Variants in MTO1 observed in about 807,000 individuals in gnomAD.
The protein encoded by MTO1 is mitochondrial tRNA translation optimization 1.
Under a neutral mutation model 71.6 loss-of-function variants are expected in MTO1, and 46 were observed. The observed-to-expected ratio is 0.64, with a 90% confidence interval of 0.51 to 0.82. The LOEUF (loss-of-function observed/expected upper bound fraction) is 0.82, where lower values mean the gene tolerates loss of function less well. MTO1 is among the 40% of genes least tolerant of loss of function. The pLI, the probability that MTO1 is intolerant of heterozygous loss-of-function variation, is 0.00. For synonymous variants in MTO1, 297 were observed against 312.1 expected, an observed-to-expected ratio of 0.95 and a Z score of 0.51; for missense variants, 773 against 867.5, an observed-to-expected ratio of 0.89 and a Z score of 1.37.
Position 73,461,812 on chromosome 6 carries a change from T to C in MTO1, c.-43T>C. The C allele has an allele frequency of 6.3e-7, 1 of 1,588,784 alleles. No homozygotes were observed. Among genetic ancestry groups the C allele is most frequent in the Non-Finnish European group, 8.6e-7 (1 of 1,160,040 alleles). On this transcript the variant is annotated 5_prime_UTR_variant, in exon 1 of 12. Coordinates refer to ENST00000498286, the MANE Select transcript of MTO1 (RefSeq NM_012123.4). ...CTTGTTGCGTAAGTTTTTTTGACCG[T>C]CACTCGTGTCAGCTTCAAAGTCAGA...
At chr6:73,495,041 C>T (rs1339734536) in intron 10 of MTO1, among the ~76,000 whole-genome samples, 1 of 152,088 alleles carries the variant, frequency 6.6e-6, no homozygotes, top group African/African-American at 2.4e-5. Flanking sequence ...CTTCGGCCTC[C>T]CAAAGTTGTT....
intron 11 of MTO1, among the ~76,000 whole-genome samples, chr6:73,498,574 G>C (rs1338032413): frequency 6.6e-6 from 1 of 151,828 alleles, no homozygotes; most frequent in African/African-American, 2.4e-5. Flanking sequence ...AATTGTGAGA[G>C]GGTATATGCA....
chr6:73,481,908 C>A, intron 7 of MTO1, 132 bp from the exon 8 acceptor site: 1 of 847,274 alleles, frequency 1.2e-6, no homozygotes, highest in Non-Finnish European at 1.9e-6. Flanking sequence ...CATTTTCTAC[C>A]TCTATTATAT....
chr6:73,486,661 C>T (rs1282545641), intron 9 of MTO1: 7 of 415,078 alleles, frequency 1.7e-5, no homozygotes, highest in South Asian at 5.1e-5. Context: ...TCGTTTGAAC[C>T]TGGGAAGCGG....
intron 4 of MTO1, among the ~76,000 whole-genome samples, chr6:73,478,937 G>A (rs1407010875): frequency 4.2e-5 from 6 of 142,240 alleles, no homozygotes; most frequent in Non-Finnish European, 4.6e-5. Context: ...CATCCAGGCT[G>A]GAGTGCAATG....
chr6:73,462,333 T>A, intron 1 of MTO1: 1 of 507,902 alleles, frequency 2.0e-6, no homozygotes, highest in South Asian at 2.7e-5. Flanking sequence ...GTCAGTGCCT[T>A]GGGAAAGGGA....
At position 73,480,674 on chromosome 6, in the gene MTO1, G is replaced by C. The variant is rs1312689223; in HGVS notation, c.1130-1G>C. 1.2e-6 allele frequency: 2 copies of C among 1,613,874 alleles called. No homozygotes were observed. Among genetic ancestry groups the C allele is most frequent in the East Asian group, 4.5e-5 (2 of 44,872 alleles). ...ATTTAATGTCTTTGTTCTTTGGTCA[G>C]GCTACGGTGTTCAGTATGATTACTT... On this transcript the variant is annotated splice_acceptor_variant, in intron 6 of 11. Transcript: ENST00000498286. LOFTEE classifies it high-confidence loss of function.
chr6:73,478,563 C>A (rs111349712), intron 4 of MTO1, among the ~76,000 whole-genome samples: 1 of 152,138 alleles, frequency 6.6e-6, no homozygotes, highest in African/African-American at 2.4e-5. Context: ...TTTTTTGAGA[C>A]AGAGTCTTGC....
rs964145601 is a variant in MTO1, at chr6:73,508,607, G to A, written c.*7872G>A. 6.6e-6 allele frequency: 1 copy of A among 152,080 alleles called. No homozygotes were observed. Among genetic ancestry groups the A allele is most frequent in the African/African-American group, 2.4e-5 (1 of 41,402 alleles). The allele number at this position is 152,080 out of a possible 1,614,324, so 9.4% of individuals were successfully genotyped here. On this transcript the variant is annotated 3_prime_UTR_variant, in exon 12 of 12. Coordinates refer to ENST00000498286, the MANE Select transcript of MTO1 (RefSeq NM_012123.4). ...AGGGCAGTTTAACTGAAAATTCAGA[G>A]GTATTATAGCTCTGAAGAAAAATAC...
intron 3 of MTO1, chr6:73,471,658 T>G (rs72960036): frequency 0.019 from 3,776 of 199,962 alleles, 71 homozygotes; most frequent in Non-Finnish European, 0.029. Context: ...GCTCCAGTGA[T>G]CTTCCTGCCC....
intron 9 of MTO1, among the ~76,000 whole-genome samples, chr6:73,488,813 C>T (rs1387674816): frequency 2.6e-5 from 4 of 151,968 alleles, no homozygotes; most frequent in Non-Finnish European, 5.9e-5. Flanking sequence ...AGCTACTGAG[C>T]GGGCTGAAGC....
intron 3 of MTO1, chr6:73,471,342 C>A: frequency 2.7e-6 from 1 of 367,670 alleles, no homozygotes; most frequent in Non-Finnish European, 5.3e-6. Flanking sequence ...CCTTTTCTCC[C>A]CCGACTTTCT....
In MTO1 at chr6:73,504,838, A is replaced by G. The variant is rs1772244475; in HGVS notation, c.*4103A>G. ...GAGTTTGAGGCTGCAGTGAGTTGATAGCATGCCACCACACTCCAGCCTGGG... is the reference window on the plus strand; with the variant it reads ...GAGTTTGAGGCTGCAGTGAGTTGATGGCATGCCACCACACTCCAGCCTGGG... On this transcript the variant is annotated 3_prime_UTR_variant, in exon 12 of 12. Transcript: ENST00000498286. 1 of 152,158 alleles carries G rather than the reference A, an allele frequency of 6.6e-6. No homozygotes were observed. Among genetic ancestry groups the G allele is most frequent in the South Asian group, 2.1e-4 (1 of 4,834 alleles). 9.4% of individuals were successfully genotyped at this position (152,158 alleles called of 1,614,324 possible).
intron 1 of MTO1, among the ~76,000 whole-genome samples, chr6:73,463,371 G>C (rs1770883403): frequency 6.6e-6 from 1 of 152,058 alleles, no homozygotes; most frequent in African/African-American, 2.4e-5. Context: ...CTGGGTTGTC[G>C]TCCCTGGATT....
chr6:73,474,119 G>C (rs1043278041), intron 4 of MTO1, among the ~76,000 whole-genome samples: 1 of 150,694 alleles, frequency 6.6e-6, no homozygotes, highest in African/African-American at 2.4e-5. Context: ...TTGTGGTGGA[G>C]ACTTGCTCTG....
rs751088619 is a variant in MTO1 at position 73,497,825 on chromosome 6, T to C, written c.1846T>C (p.Tyr616His). 2.3e-5 allele frequency: 37 copies of C among 1,613,832 alleles called. No homozygotes were observed. Among genetic ancestry groups the C allele is most frequent in the Non-Finnish European group, 3.1e-5 (37 of 1,179,872 alleles). ...TCTCCAACTGCCAAAAGACCTAGAT[T>C]ATTTGACTATCAGGGATGTGTCTTT... The part of the protein sequence containing the change: ...EALQLPKDLD[Y>H]LTIRDVSLSH... Residue 616 changes from tyrosine (Y) to histidine (H), a missense_variant, in exon 11 of 12, where the codon TAT (tyrosine) becomes CAT (histidine). By Grantham distance (83) the Tyr-to-His change is moderately conservative (BLOSUM62 2). Transcript: ENST00000498286.
At chr6:73,480,882 A>G in intron 7 of MTO1, 77 bp downstream of exon 7, 1 of 1,452,294 alleles carries the variant, frequency 6.9e-7, no homozygotes, top group Non-Finnish European at 9.4e-7. Context: ...CTGTTGTGTT[A>G]ACTATGTAGA....
intron 10 of MTO1, among the ~76,000 whole-genome samples, chr6:73,496,078 C>T (rs1336928679): frequency 6.6e-6 from 1 of 152,130 alleles, no homozygotes; most frequent in African/African-American, 2.4e-5. Context: ...TCATCTGGGC[C>T]AGCCCTTGCA....
intron 10 of MTO1, chr6:73,492,824 TAAAA>T (rs1385692580): frequency 7.0e-6 from 1 of 142,478 alleles, no homozygotes; most frequent in Middle Eastern, 3.8e-3. Flanking sequence ...AAAAAAAAAT[TAAAA>T]AAAGGAAATA....
Sources: allele counts gnomAD v4.1 joint callset (sites outside exome capture counted in the v4.1 genomes callset), GRCh38; gene constraint gnomAD v4.1.1; transcripts MANE v1.5; gene names NCBI Gene and HGNC (gene_info 2026-07-23, HGNC 2026-07-21).